PLEKHM1: variants seen among roughly 807,000 people sequenced by gnomAD.
The protein encoded by PLEKHM1 is pleckstrin homology domain-containing family M member 1.
In PLEKHM1, 28 loss-of-function variants were observed where a neutral mutation model predicts 94.3. That is an observed-to-expected ratio of 0.30 (90% confidence interval 0.22 to 0.41). The LOEUF (loss-of-function observed/expected upper bound fraction) is 0.41. Among genes scored for constraint, PLEKHM1 ranks in the 10% least tolerant of loss-of-function variants. The pLI, the probability that PLEKHM1 is intolerant of heterozygous loss-of-function variation, is 1.00. For missense variants in PLEKHM1, 907 were observed against 1,358.6 expected (o/e 0.67, Z 5.22); for synonymous variants, 424 against 581.2 (o/e 0.73, Z 3.89).
At chr17:45,450,493 A>T in intron 8 of PLEKHM1, 125 bp downstream of exon 8, 1 of 1,476,592 alleles carries the variant, frequency 6.8e-7, no homozygotes, top group Non-Finnish European at 9.3e-7. Flanking sequence ...CAGTGCCTGA[A>T]CCAGTGACCC....
rs2050589751 is a variant in PLEKHM1 at position 45,445,787 on chromosome 17, C to T, written c.2644-124G>A. On this transcript the variant is annotated intron_variant, in intron 8 of 11. Transcript: ENST00000430334. The surrounding 1 kb of genome is among the most constrained non-coding windows in gnomAD (Gnocchi z 4.2). ...TATCTTCATTTTACAGATGGGGAAACTGAGGCTCAAGGAGATGAAGAGATT... is the reference window on the plus strand; with the variant it reads ...TATCTTCATTTTACAGATGGGGAAATTGAGGCTCAAGGAGATGAAGAGATT... 1.1e-5 allele frequency: 8 copies of T among 718,134 alleles called. No individual in the cohort carries two copies. Among genetic ancestry groups the T allele is most frequent in the Non-Finnish European group, 2.0e-5 (8 of 403,490 alleles). The allele number at this position is 718,134 out of a possible 1,614,324, so 44.5% of individuals were successfully genotyped here.
In PLEKHM1 at chr17:45,437,858, T is replaced by C; in HGVS notation, c.3171A>G (p.Ter1057TrpextTer122). ...RKYQEQNIFA[*>W] ...TCAGAGCGGGGTCAGCAGATGGGCA[T>C]CAGGCGAAAATGTTCTGTTCCTGGT... Residue 1057 changes from the stop codon to tryptophan, a stop_lost, in exon 12 of 12, where the codon TGA (stop) becomes TGG (tryptophan). Coordinates refer to ENST00000430334, the MANE Select transcript of PLEKHM1 (RefSeq NM_014798.3). This position sits in a 1 kb window ranked among gnomAD's most constrained non-coding sequence, Gnocchi z 4.0. The C allele has an allele frequency of 6.2e-7, 1 of 1,612,394 alleles. No individual in the cohort carries two copies.
chr17:45,469,631 C>T (rs1281437520), intron 4 of PLEKHM1, among the ~76,000 whole-genome samples: 2 of 152,332 alleles, frequency 1.3e-5, no homozygotes, highest in East Asian at 3.9e-4. Flanking sequence ...ACATGAAGCT[C>T]TGCTTAATTT....
At chr17:45,473,779 C>T (rs953595200) in intron 4 of PLEKHM1, among the ~76,000 whole-genome samples, 10 of 151,966 alleles carry the variant, frequency 6.6e-5, no homozygotes, top group Admixed American at 5.9e-4. Context: ...AGAAAGGTCT[C>T]GATCTCTTGC....
intron 3 of PLEKHM1, among the ~76,000 whole-genome samples, chr17:45,476,502 G>C (rs2051742586): frequency 6.6e-6 from 1 of 152,074 alleles, no homozygotes; most frequent in South Asian, 2.1e-4. Context: ...CCAGGAAAGA[G>C]AGGGTCTTAA....
At chr17:45,477,309 C>T (rs752671619) in intron 3 of PLEKHM1, 1 of 176,962 alleles carries the variant, frequency 5.7e-6, no homozygotes, top group Non-Finnish European at 1.2e-5. Flanking sequence ...TGGTGCGCGC[C>T]TGTTGTCCCA....
In PLEKHM1 at chr17:45,454,141, G is replaced by C. The variant is rs1567777055; in HGVS notation, c.1711C>G (p.His571Asp). 1 of 1,614,136 alleles carries C rather than the reference G, an allele frequency of 6.2e-7. No individual in the cohort carries two copies. The highest frequency in any genetic ancestry group is 1.7e-5 in the Admixed American group (1 of 60,038). Residue 571 changes from histidine (H) to aspartate (D), a missense_variant, in exon 7 of 12, where the codon CAC (histidine) becomes GAC (aspartate). His to Asp is a moderately conservative substitution (Grantham distance 81). This residue lies in a region of PLEKHM1 where 477 missense variants were observed against 601.5 expected (regional missense o/e 0.79). Coordinates refer to ENST00000430334, the MANE Select transcript of PLEKHM1 (RefSeq NM_014798.3). ...EFRLYLSNEE[H>D]TCVENCSLLR... ...AGCGAGCAGTTCTCCACACAGGTGT[G>C]CTCCTCGTTGCTCAGGTAGAGGCGG...
intron 1 of PLEKHM1, among the ~76,000 whole-genome samples, chr17:45,488,559 G>A (rs2052202981): frequency 6.6e-6 from 1 of 152,150 alleles, no homozygotes; most frequent in Non-Finnish European, 1.5e-5. Context: ...ATATTAATGG[G>A]AGGACATTGA....
intron 7 of PLEKHM1, among the ~76,000 whole-genome samples, chr17:45,451,806 G>A (rs943156774): frequency 6.6e-6 from 1 of 152,130 alleles, no homozygotes; most frequent in Non-Finnish European, 1.5e-5. Context: ...ACACCCACAG[G>A]CGAGGAACCC....
At position 45,444,149 on chromosome 17, in the gene PLEKHM1, T is replaced by G. The variant is rs541504475; in HGVS notation, c.2837+1321A>C. ...GAGGAGGCAGTCTTCAGAGAGGCGC[T>G]CTCTGGGCCAGCCCTGTGGGGAGGG... On this transcript the variant is annotated intron_variant, in intron 9 of 11. Coordinates refer to ENST00000430334, the MANE Select transcript of PLEKHM1 (RefSeq NM_014798.3). The surrounding 1 kb of genome is among the most constrained non-coding windows in gnomAD (Gnocchi z 5.0). Among the ~76,000 whole-genome samples, 386 of 152,186 alleles carry G rather than the reference T, an allele frequency of 2.5e-3. 1 individual carries two copies. The highest frequency in any genetic ancestry group is 8.7e-3 in the African/African-American group (360 of 41,506).
chr17:45,487,933 A>T (rs2052181484), intron 1 of PLEKHM1: 1 of 373,844 alleles, frequency 2.7e-6, no homozygotes, highest in Non-Finnish European at 5.3e-6. Flanking sequence ...ATGTTTTTTC[A>T]ATTGGAAAAG....
chr17:45,482,810 A>G (rs1206439427), intron 1 of PLEKHM1, among the ~76,000 whole-genome samples: 1 of 152,092 alleles, frequency 6.6e-6, no homozygotes, highest in Non-Finnish European at 1.5e-5. Flanking sequence ...CTGCCCAGAA[A>G]GCCAAGGCCC....
intron 1 of PLEKHM1, chr17:45,487,867 G>A: frequency 4.4e-6 from 2 of 454,182 alleles, no homozygotes; most frequent in Non-Finnish European, 8.9e-6. Context: ...GTAACTGGCT[G>A]TTCAGAGCCA....
chr17:45,476,690 A>G (rs1231846579), intron 3 of PLEKHM1, among the ~76,000 whole-genome samples: 1 of 152,098 alleles, frequency 6.6e-6, no homozygotes, highest in Non-Finnish European at 1.5e-5. Context: ...TGACTTGACC[A>G]CAGTCATGCA....
rs1388269063 is a variant in PLEKHM1, at chr17:45,436,706, G to T, written c.*1152C>A. The T allele has an allele frequency of 2.2e-6, 1 of 453,978 alleles. No individual in the cohort carries two copies. Among genetic ancestry groups the T allele is most frequent in the African/African-American group, 2.0e-5 (1 of 50,004 alleles). The allele number at this position is 453,978 out of a possible 1,614,324, so 28.1% of individuals were successfully genotyped here. On this transcript the variant is annotated 3_prime_UTR_variant, in exon 12 of 12. Coordinates refer to ENST00000430334, the MANE Select transcript of PLEKHM1 (RefSeq NM_014798.3). ...GCCCCTTCAAAGGCAGTCCTGCTCC[G>T]GGGAACTTCTTCAGTCTCCAGTGTC...
intron 1 of PLEKHM1, among the ~76,000 whole-genome samples, chr17:45,489,671 C>G (rs2052245471): frequency 6.6e-6 from 1 of 152,062 alleles, no homozygotes; most frequent in South Asian, 2.1e-4. Context: ...TTATTTACCA[C>G]CTGAGCCCCT....
intron 10 of PLEKHM1, 67 bp from the exon 11 acceptor site, chr17:45,439,701 G>A (rs754823802): frequency 1.2e-5 from 19 of 1,600,148 alleles, no homozygotes; most frequent in East Asian, 2.2e-5. Context: ...GGTAAACTGA[G>A]GCCCCAGGCC....
intron 2 of PLEKHM1, 43 bp from the exon 3 acceptor site, chr17:45,478,190 C>G (rs1224775549): frequency 6.2e-7 from 1 of 1,613,478 alleles, no homozygotes; most frequent in African/African-American, 1.3e-5. Context: ...GCGGAAAATC[C>G]TATGGAGAGT....
Position 45,454,198 on chromosome 17 carries a change from C to G in PLEKHM1, c.1654G>C (p.Glu552Gln). The change falls in exon 7 of 12, where the codon GAG becomes CAG. Residue 552 changes from glutamate to glutamine, a missense_variant. Around this residue, in one of 3 missense-constraint regions of PLEKHM1, gnomAD observed 477 missense variants for 601.5 expected, o/e 0.79. Transcript: ENST00000430334. ...ERRGAMGIWKELFCELSPLEF... is the reference protein window; with the variant it reads ...ERRGAMGIWKQLFCELSPLEF... ...AGCGGGGAGAGCTCGCAGAAGAGCTCCTTCCAGATGCCCATTGCCCCCCGC... is the reference window on the plus strand; with the variant it reads ...AGCGGGGAGAGCTCGCAGAAGAGCTGCTTCCAGATGCCCATTGCCCCCCGC... 1 of 1,612,502 alleles carries G rather than the reference C, an allele frequency of 6.2e-7. No homozygotes were observed. The highest frequency in any genetic ancestry group is 8.5e-7 in the Non-Finnish European group (1 of 1,179,398).
Sources: gnomAD v4.1 joint callset for allele counts (sites outside exome capture counted in the v4.1 genomes callset) on GRCh38, gnomAD v4.1.1 for gene constraint, gnomAD v4.1.1 regional missense constraint, Gnocchi (gnomAD v3.1) non-coding constraint, MANE v1.5 for transcripts, NCBI Gene and HGNC (gene_info 2026-07-23, HGNC 2026-07-21) for gene names.